Variants in IL6 observed in about 807,000 individuals in gnomAD.
IL6 encodes the protein interleukin 6, also known as interleukin-6.
In IL6, 5 loss-of-function variants were observed where a neutral mutation model predicts 18.0. The ratio of observed to expected loss-of-function variants is 0.28; its 90% confidence interval spans 0.15 to 0.58. The LOEUF is 0.58. Ranked by LOEUF, IL6 falls within the 20% of genes least tolerant of loss-of-function variation. IL6 has a pLI of 0.90. For missense variants in IL6, 266 were observed against 251.0 expected (o/e 1.06, Z -0.40); for synonymous variants, 97 against 95.1 (o/e 1.02, Z -0.12).
chr7:22,727,675 ATGCGTTCCCCT>A, intron 2 of IL6, 41 bp downstream of exon 2: 1 of 1,521,970 alleles, frequency 6.6e-7, no homozygotes, highest in Non-Finnish European at 8.8e-7. Flanking sequence ...CCCGGTGCGC[ATGCGTTCCCCT>A]TGCCCCTGCG....
intron 2 of IL6, among the ~76,000 whole-genome samples, chr7:22,728,130 C>T (rs1329504695): frequency 6.6e-6 from 1 of 152,140 alleles, no homozygotes; most frequent in Non-Finnish European, 1.5e-5. Flanking sequence ...AAAGCATCTC[C>T]CCACTTTCAA....
At position 22,731,889 on chromosome 7, in the gene IL6, T is replaced by A. The variant is rs1784131912; in HGVS notation, c.*316T>A. On this transcript the variant is annotated 3_prime_UTR_variant, in exon 5 of 5. Transcript: ENST00000258743. ...GATCATTTCTTGGAAAGTGTAGGCTTACCTCAAATAAATGGCTAACTTATA... is the reference window on the plus strand; with the variant it reads ...GATCATTTCTTGGAAAGTGTAGGCTAACCTCAAATAAATGGCTAACTTATA... 6.4e-6 allele frequency: 1 copy of A among 157,390 alleles called. No individual in the cohort carries two copies. The highest frequency in any genetic ancestry group is 1.4e-5 in the Non-Finnish European group (1 of 71,874). The allele number at this position is 157,390 out of a possible 1,614,324, so 9.7% of individuals were successfully genotyped here.
chr7:22,729,259 G>A (rs2128174571), intron 3 of IL6, among the ~76,000 whole-genome samples: 1 of 152,246 alleles, frequency 6.6e-6, no homozygotes, highest in Middle Eastern at 3.4e-3. Context: ...ACATCAAGGG[G>A]GACAATCAGA....
intron 1 of IL6, 52 bp downstream of exon 1, chr7:22,727,333 G>C (rs769639272): frequency 6.2e-7 from 1 of 1,613,972 alleles, no homozygotes; most frequent in East Asian, 2.2e-5. Flanking sequence ...GTCGAGCCCT[G>C]TGTGAGGGAG....
At chr7:22,729,903 T>C (rs1159700614) in intron 4 of IL6, 1 of 1,418,334 alleles carries the variant, frequency 7.1e-7, no homozygotes, top group Non-Finnish European at 9.2e-7. Flanking sequence ...GAGGTGGATT[T>C]TAACATCAAT....
Position 22,727,567 on chromosome 7 carries a change from C to T in IL6, c.143C>T (p.Thr48Ile), listed in dbSNP as rs768665469. The T allele has an allele frequency of 1.9e-6, 3 of 1,605,070 alleles. No homozygotes were observed. Among genetic ancestry groups the T allele is most frequent in the South Asian group, 2.2e-5 (2 of 89,658 alleles). The stretch of plus-strand genomic sequence containing the variant: ...GCCGCCCCACACAGACAGCCACTCA[C>T]CTCTTCAGAACGAATTGACAAACAA... ...DVAAPHRQPL[T>I]SSERIDKQIR... The change falls in exon 2 of 5, where the codon ACC becomes ATC. Residue 48 changes from threonine (T) to isoleucine (I), a missense_variant. Physicochemically the swap from Thr to Ile is moderately conservative, Grantham distance 89 (BLOSUM62 -1). Coordinates refer to ENST00000258743, the MANE Select transcript of IL6 (RefSeq NM_000600.5).
chr7:22,729,360 G>T (rs1246148369), intron 3 of IL6, among the ~76,000 whole-genome samples, 154 bp from the exon 4 acceptor site: 1 of 152,212 alleles, frequency 6.6e-6, no homozygotes, highest in African/African-American at 2.4e-5. Flanking sequence ...ATTTAAAATG[G>T]TGCTGTCCAA....
intron 4 of IL6, among the ~76,000 whole-genome samples, chr7:22,730,564 G>A (rs1454698785): frequency 6.6e-6 from 1 of 152,152 alleles, no homozygotes; most frequent in African/African-American, 2.4e-5. Context: ...CTAAAGGGAT[G>A]GTGAGAGGGA....
chr7:22,729,700 GACAGGC>G, intron 4 of IL6, 40 bp downstream of exon 4: 1 of 1,614,034 alleles, frequency 6.2e-7, no homozygotes, highest in South Asian at 1.1e-5. Flanking sequence ...TGTGGGGGAA[GACAGGC>G]TCAAAGACAG....
rs201874561 is a variant in IL6 at position 22,728,819 on chromosome 7, C to T, written c.324+13C>T. ...TGGATTCAATGAGGTACCAACTTGT[C>T]GCACTCACTTTTCACTATTCCTTAG... On this transcript the variant is annotated intron_variant, in intron 3 of 4. Transcript: ENST00000258743. 4.7e-5 allele frequency: 69 copies of T among 1,470,004 alleles called. No individual in the cohort carries two copies. Among genetic ancestry groups the T allele is most frequent in the East Asian group, 4.3e-4 (19 of 44,106 alleles). 91.1% of individuals were successfully genotyped at this position (1,470,004 alleles called of 1,614,324 possible).
Position 22,727,432 on chromosome 7 carries a change from C to G in IL6, c.20-12C>G, listed in dbSNP as rs1156355212. ...GTCAGCTCACCCCTGCGCTCGCTCC[C>G]CTCCGGCACAGGCGCCTTCGGTCCA... On this transcript the variant is annotated splice_polypyrimidine_tract_variant and intron_variant, in intron 1 of 4. Transcript: ENST00000258743. 12 of 1,613,688 alleles carry G rather than the reference C, an allele frequency of 7.4e-6. No individual in the cohort carries two copies. Among genetic ancestry groups the G allele is most frequent in the Non-Finnish European group, 1.0e-5 (12 of 1,179,840 alleles).
chr7:22,727,309 A>C, intron 1 of IL6, 28 bp downstream of exon 1: 1 of 1,613,972 alleles, frequency 6.2e-7, no homozygotes, highest in Middle Eastern at 1.7e-4. Flanking sequence ...TTAGCCCTGG[A>C]ACTGCCAGCG....
Position 22,731,689 on chromosome 7 carries a change from G to A in IL6, c.*116G>A, listed in dbSNP as rs910625147. On this transcript the variant is annotated 3_prime_UTR_variant, in exon 5 of 5. Transcript: ENST00000258743. ...TGGAGAACTAAAAGTATGAGCGTTA[G>A]GACACTATTTTAATTATTTTTAATT... 5 of 517,470 alleles carry A rather than the reference G, an allele frequency of 9.7e-6. No individual in the cohort carries two copies. Among genetic ancestry groups the A allele is most frequent in the Non-Finnish European group, 1.5e-5 (5 of 329,442 alleles). 32.1% of individuals were successfully genotyped at this position (517,470 alleles called of 1,614,324 possible).
rs1193179817 is a variant in IL6 at position 22,729,536 on chromosome 7, T to C, written c.347T>C (p.Ile116Thr). ...FNEETCLVKI[I>T]TGLLEFEVYL... Reference sequence around the variant, plus strand: ...TAGGAGACTTGCCTGGTGAAAATCATCACTGGTCTTTTGGAGTTTGAGGTA... The same window carrying C: ...TAGGAGACTTGCCTGGTGAAAATCACCACTGGTCTTTTGGAGTTTGAGGTA... Residue 116 changes from isoleucine to threonine, a missense_variant, in exon 4 of 5, where the codon ATC becomes ACC. Ile to Thr is a moderately conservative substitution (Grantham distance 89). Transcript: ENST00000258743. The C allele has an allele frequency of 6.2e-7, 1 of 1,613,932 alleles. No individual in the cohort carries two copies. The highest frequency in any genetic ancestry group is 1.1e-5 in the South Asian group (1 of 91,058).
chr7:22,727,815 G>T (rs936070640), intron 2 of IL6, among the ~76,000 whole-genome samples, 181 bp downstream of exon 2: 11 of 152,314 alleles, frequency 7.2e-5, no homozygotes, highest in Admixed American at 6.5e-4. Context: ...GTGTCAGGAA[G>T]TTCCTTTCCT....
At chr7:22,731,351 T>G in intron 4 of IL6, 55 bp from the exon 5 acceptor site, 1 of 1,399,210 alleles carries the variant, frequency 7.1e-7, no homozygotes, top group Non-Finnish European at 9.7e-7. Flanking sequence ...ATCCCTCCAC[T>G]GCAAAGGATT....
intron 2 of IL6, among the ~76,000 whole-genome samples, chr7:22,728,043 G>A (rs1784049104): frequency 6.6e-6 from 1 of 152,156 alleles, no homozygotes; most frequent in African/African-American, 2.4e-5. Flanking sequence ...TAAACTCAAT[G>A]GCTAGGATTC....
intron 3 of IL6, 92 bp from the exon 4 acceptor site, chr7:22,729,422 A>T (rs1784080410): frequency 1.6e-6 from 2 of 1,216,242 alleles, no homozygotes; most frequent in Admixed American, 3.8e-5. Context: ...AGAGGAGCAG[A>T]GGGAAAAGAT....
intron 3 of IL6, 133 bp downstream of exon 3, chr7:22,728,939 C>A: frequency 1.6e-6 from 1 of 644,480 alleles, no homozygotes. Flanking sequence ...ATGTAAATTT[C>A]ATGAGGAGGC....
Sources: gnomAD v4.1 joint callset for allele counts (sites outside exome capture counted in the v4.1 genomes callset) on GRCh38, gnomAD v4.1.1 for gene constraint, MANE v1.5 for transcripts, NCBI Gene and HGNC (gene_info 2026-07-23, HGNC 2026-07-21) for gene names.